MTHFD2L: variants seen among roughly 807,000 people sequenced by gnomAD.
The protein encoded by MTHFD2L is methylenetetrahydrofolate dehydrogenase (NADP+ dependent) 2 like.
Under a neutral mutation model 34.9 loss-of-function variants are expected in MTHFD2L, and 29 were observed. The ratio of observed to expected loss-of-function variants is 0.83; its 90% CI spans 0.62 to 1.13. MTHFD2L has a LOEUF of 1.13. MTHFD2L is among the 50% of genes most tolerant of loss of function. MTHFD2L has a pLI of 0.00. For missense variants in MTHFD2L, 481 were observed against 446.5 expected, an observed-to-expected ratio of 1.08 and a Z score of -0.70; for synonymous variants, 167 against 155.7, an observed-to-expected ratio of 1.07 and a Z score of -0.54.
chr4:74,291,828 CAAATT>C (rs1176830124), intron 7 of MTHFD2L, among the ~76,000 whole-genome samples: 5 of 152,156 alleles, frequency 3.3e-5, no homozygotes, highest in Admixed American at 6.5e-5. Flanking sequence ...TACAAAGAAT[CAAATT>C]AAAGTGACTC....
chr4:74,119,087 G>C (rs1188807014), upstream of MTHFD2L, among the ~76,000 whole-genome samples: 1 of 152,196 alleles, frequency 6.6e-6, no homozygotes, highest in Admixed American at 6.5e-5. Flanking sequence ...CTGTCAGTGA[G>C]TGGCAGGTGA....
At chr4:74,189,770 C>A (rs1440415073) in intron 3 of MTHFD2L, among the ~76,000 whole-genome samples, 1 of 151,912 alleles carries the variant, frequency 6.6e-6, no homozygotes, top group Non-Finnish European at 1.5e-5. Context: ...ATTTTTTGAA[C>A]AAGTTACTTT....
At chr4:74,271,927 A>C (rs984775044) in intron 6 of MTHFD2L, among the ~76,000 whole-genome samples, 2 of 152,042 alleles carry the variant, frequency 1.3e-5, no homozygotes, top group African/African-American at 4.8e-5. Context: ...ATTCTCTTTG[A>C]AGTATAGCTA....
chr4:74,138,802 G>T (rs1723110279), intron 1 of MTHFD2L, among the ~76,000 whole-genome samples: 1 of 152,178 alleles, frequency 6.6e-6, no homozygotes, highest in African/African-American at 2.4e-5. Context: ...AATGGGAGGG[G>T]ACCCAAAGCG....
intron 1 of MTHFD2L, among the ~76,000 whole-genome samples, chr4:74,127,524 T>C (rs1722166279): frequency 6.6e-6 from 1 of 152,178 alleles, no homozygotes; most frequent in Non-Finnish European, 1.5e-5. Context: ...GCTTGGCTTA[T>C]TTCACTTAAC....
chr4:74,222,626 T>G (rs1738406468), intron 5 of MTHFD2L, among the ~76,000 whole-genome samples: 1 of 152,136 alleles, frequency 6.6e-6, no homozygotes, highest in South Asian at 2.1e-4. Flanking sequence ...CTCACACTTT[T>G]TTAAAGTCTT....
intron 1 of MTHFD2L, chr4:74,162,260 C>T (rs1725618453): frequency 2.0e-5 from 3 of 152,280 alleles, no homozygotes; most frequent in Admixed American, 2.0e-4. Flanking sequence ...CTTACCTAAC[C>T]ATCTTGCTGC....
intron 6 of MTHFD2L, among the ~76,000 whole-genome samples, chr4:74,237,161 A>G (rs569862832): frequency 6.6e-6 from 1 of 152,210 alleles, no homozygotes; most frequent in Non-Finnish European, 1.5e-5. Context: ...AAGGATCTAC[A>G]TGACATATGT....
intron 6 of MTHFD2L, among the ~76,000 whole-genome samples, chr4:74,240,636 T>TA (rs1741570504): frequency 6.6e-6 from 1 of 152,168 alleles, no homozygotes; most frequent in African/African-American, 2.4e-5. Flanking sequence ...AATTAAAAAA[T>TA]ACAACTTGAG....
intron 7 of MTHFD2L, among the ~76,000 whole-genome samples, chr4:74,296,093 T>A (rs1749596985): frequency 6.6e-6 from 1 of 152,154 alleles, no homozygotes; most frequent in South Asian, 2.1e-4. Context: ...CAAGGAATAA[T>A]TGTTACGAAT....
At chr4:74,130,067 C>A (rs1235699621) in intron 1 of MTHFD2L, among the ~76,000 whole-genome samples, 2 of 152,152 alleles carry the variant, frequency 1.3e-5, no homozygotes, top group African/African-American at 4.8e-5. Flanking sequence ...AGACCAATAA[C>A]AAGTTCTGAA....
At chr4:74,221,883 A>C (rs1048371727) in intron 5 of MTHFD2L, among the ~76,000 whole-genome samples, 6 of 151,668 alleles carry the variant, frequency 4.0e-5, no homozygotes, top group Non-Finnish European at 7.4e-5. Context: ...ATTATATAGT[A>C]CTCTTAATTC....
chr4:74,160,513 C>G (rs572577003), intron 1 of MTHFD2L: 1 of 153,244 alleles, frequency 6.5e-6, no homozygotes, highest in Admixed American at 6.5e-5. Flanking sequence ...ATTCTTCTCT[C>G]AATGAGTTTT....
chr4:74,231,325 G>T (rs1028506193), intron 6 of MTHFD2L, among the ~76,000 whole-genome samples: 5 of 151,956 alleles, frequency 3.3e-5, no homozygotes, highest in Admixed American at 1.3e-4. Flanking sequence ...TTGAAACAGG[G>T]TTCGTAATTT....
intron 6 of MTHFD2L, among the ~76,000 whole-genome samples, chr4:74,247,575 C>T (rs987811481): frequency 6.6e-6 from 1 of 152,152 alleles, no homozygotes; most frequent in Non-Finnish European, 1.5e-5. Context: ...AAAGGGAATG[C>T]TTCCAGGTTT....
intron 7 of MTHFD2L, among the ~76,000 whole-genome samples, chr4:74,282,962 T>C (rs1260248445): frequency 6.6e-6 from 1 of 151,990 alleles, no homozygotes; most frequent in Admixed American, 6.6e-5. Flanking sequence ...TATTTGAATT[T>C]CTCAACTTGA....
intron 5 of MTHFD2L, among the ~76,000 whole-genome samples, chr4:74,222,622 C>CT (rs1342068533): frequency 1.3e-5 from 2 of 152,062 alleles, no homozygotes; most frequent in Admixed American, 6.6e-5. Context: ...AATCCTCACA[C>CT]TTTTTTAAAG....
intron 5 of MTHFD2L, among the ~76,000 whole-genome samples, chr4:74,209,568 C>T (rs985542222): frequency 3.9e-5 from 6 of 152,164 alleles, no homozygotes; most frequent in African/African-American, 1.4e-4. Flanking sequence ...TGTATATGTG[C>T]TACATTTTCT....
intron 5 of MTHFD2L, among the ~76,000 whole-genome samples, chr4:74,214,991 A>G (rs537362629): frequency 1.7e-4 from 26 of 151,818 alleles, no homozygotes; most frequent in South Asian, 6.2e-4. Context: ...CTTTGTTTAC[A>G]CTGTGAGGGG....
Sources: allele counts gnomAD v4.1 joint callset (sites outside exome capture counted in the v4.1 genomes callset), GRCh38; gene constraint gnomAD v4.1.1; transcripts MANE v1.5; gene names NCBI Gene and HGNC (gene_info 2026-07-23, HGNC 2026-07-21).